The following CDC42SE2 variants were observed in gnomAD, a reference collection of about 807,000 sequenced individuals.
The protein encoded by CDC42SE2 is CDC42 small effector protein 2.
A neutral mutation model predicts 11.5 loss-of-function variants in CDC42SE2; 3 were observed. The ratio of observed to expected loss-of-function variants is 0.26; its 90% CI spans 0.12 to 0.67. CDC42SE2 has a LOEUF of 0.67. Ranked by LOEUF, CDC42SE2 falls within the 30% of genes least tolerant of loss-of-function variation. CDC42SE2 has a pLI of 0.80. For missense variants in CDC42SE2, 82 were observed against 106.8 expected, an observed-to-expected ratio of 0.77 and a Z score of 1.02; for synonymous variants, 33 against 34.8, an observed-to-expected ratio of 0.95 and a Z score of 0.18.
intron 1 of CDC42SE2, among the ~76,000 whole-genome samples, chr5:131,273,531 G>A (rs1161999003): frequency 6.6e-6 from 1 of 150,618 alleles, no homozygotes; most frequent in African/African-American, 2.4e-5. Context: ...AGCACTTTGG[G>A]AGGCTGAGGC....
At chr5:131,274,101 T>C (rs1757052225) in intron 1 of CDC42SE2, among the ~76,000 whole-genome samples, 2 of 152,188 alleles carry the variant, frequency 1.3e-5, no homozygotes, top group Admixed American at 6.5e-5. Flanking sequence ...AAAAATGTTA[T>C]CTTTAGTCTG....
chr5:131,351,461 A>G (rs372511368), intron 2 of CDC42SE2, among the ~76,000 whole-genome samples: 2 of 152,118 alleles, frequency 1.3e-5, no homozygotes, highest in Non-Finnish European at 1.5e-5. Context: ...TCACCATGTT[A>G]GCCAGGATGG....
At chr5:131,210,679 G>GT in the CDC42SE2 span, among the ~76,000 whole-genome samples, 1 of 152,100 alleles carries the variant, frequency 6.6e-6, no homozygotes, top group Non-Finnish European at 1.5e-5. Flanking sequence ...ATGATTGCTT[G>GT]TAAGATTTTT....
At chr5:131,376,170 C>T (rs926390593) in intron 3 of CDC42SE2, among the ~76,000 whole-genome samples, 11 of 151,670 alleles carry the variant, frequency 7.3e-5, no homozygotes, top group African/African-American at 1.9e-4. Flanking sequence ...ACCCAGGAGG[C>T]GGAGGTTGCA....
At chr5:131,256,347 A>G (rs1047045236) in intron 2 of CDC42SE2, among the ~76,000 whole-genome samples, 18 of 152,216 alleles carry the variant, frequency 1.2e-4, no homozygotes, top group African/African-American at 4.3e-4. Flanking sequence ...GGAAACTCAG[A>G]TACACTCTTG....
chr5:131,213,175 A>G, the CDC42SE2 span, among the ~76,000 whole-genome samples: 7 of 152,318 alleles, frequency 4.6e-5, no homozygotes, highest in East Asian at 9.6e-4. Flanking sequence ...CCTGGGCAAC[A>G]AGAGCGAAAC....
chr5:131,352,040 A>G (rs1185416056), intron 2 of CDC42SE2, among the ~76,000 whole-genome samples: 4 of 152,216 alleles, frequency 2.6e-5, no homozygotes, highest in African/African-American at 9.6e-5. Context: ...ACATGAAAAG[A>G]CTTAATATCA....
chr5:131,297,391 C>A (rs537785302), intron 1 of CDC42SE2, among the ~76,000 whole-genome samples: 1 of 152,084 alleles, frequency 6.6e-6, no homozygotes, highest in East Asian at 1.9e-4. Context: ...CATGAGAAAA[C>A]AAATATTTGT....
At chr5:131,216,486 A>G in the CDC42SE2 span, among the ~76,000 whole-genome samples, 10 of 145,190 alleles carry the variant, frequency 6.9e-5, no homozygotes, top group African/African-American at 2.8e-4. Context: ...TGGACAACAG[A>G]ATGAGAACCT....
chr5:131,346,920 AT>A (rs1758860920), intron 2 of CDC42SE2, among the ~76,000 whole-genome samples: 1 of 152,246 alleles, frequency 6.6e-6, no homozygotes, highest in Non-Finnish European at 1.5e-5. Flanking sequence ...AAATAATGAA[AT>A]GAAGGCAGAA....
At chr5:131,385,730 C>G (rs1356375257) in intron 4 of CDC42SE2, 86 bp downstream of exon 4, 2 of 729,268 alleles carry the variant, frequency 2.7e-6, no homozygotes, top group African/African-American at 3.5e-5. Flanking sequence ...TTTTTAATAG[C>G]ATTATGCTAA....
At chr5:131,325,194 T>G (rs1758270724) in intron 2 of CDC42SE2, among the ~76,000 whole-genome samples, 1 of 152,172 alleles carries the variant, frequency 6.6e-6, no homozygotes, top group African/African-American at 2.4e-5. Context: ...CAGGATTACT[T>G]TTGGATTTCC....
At chr5:131,279,870 C>T (rs755903063) in intron 1 of CDC42SE2, among the ~76,000 whole-genome samples, 2 of 152,060 alleles carry the variant, frequency 1.3e-5, no homozygotes, top group Non-Finnish European at 2.9e-5. Flanking sequence ...TACAGGAGTT[C>T]GAGATCAGCC....
chr5:131,234,386 C>T, the CDC42SE2 span, among the ~76,000 whole-genome samples: 3 of 152,018 alleles, frequency 2.0e-5, no homozygotes, highest in Admixed American at 2.0e-4. Flanking sequence ...TCCTGTAATC[C>T]CAGCACTTTG....
chr5:131,254,235 CAT>C (rs1367312507), intron 1 of CDC42SE2, among the ~76,000 whole-genome samples: 4 of 152,056 alleles, frequency 2.6e-5, no homozygotes, highest in African/African-American at 4.8e-5. Context: ...GATTTTTTCA[CAT>C]GTGTATAGAA....
intron 2 of CDC42SE2, among the ~76,000 whole-genome samples, chr5:131,351,620 G>T (rs1407982360): frequency 6.6e-6 from 1 of 152,170 alleles, no homozygotes; most frequent in Non-Finnish European, 1.5e-5. Context: ...CAGCAAATGA[G>T]CTAGAACAAC....
At chr5:131,258,607 T>G (rs975146349) in intron 2 of CDC42SE2, among the ~76,000 whole-genome samples, 21 of 152,034 alleles carry the variant, frequency 1.4e-4, no homozygotes, top group African/African-American at 4.8e-4. Context: ...CTAATTTACC[T>G]CTCTCCATCC....
intron 2 of CDC42SE2, among the ~76,000 whole-genome samples, chr5:131,339,030 G>GAGGTCAGAAGATCGAGACCATA: frequency 6.6e-6 from 1 of 151,968 alleles, no homozygotes; most frequent in Non-Finnish European, 1.5e-5. Flanking sequence ...GGTGGATCAT[G>GAGGTCAGAAGATCGAGACCATA]AGGTCAGAAG....
intron 2 of CDC42SE2, among the ~76,000 whole-genome samples, chr5:131,329,975 G>A (rs1758386427): frequency 6.9e-6 from 1 of 144,812 alleles, no homozygotes; most frequent in South Asian, 2.2e-4. Context: ...TCAAAATTCA[G>A]TGGCTTAACC....
Sources: allele counts gnomAD v4.1 joint callset (sites outside exome capture counted in the v4.1 genomes callset), GRCh38; gene constraint gnomAD v4.1.1; transcripts MANE v1.5; gene names NCBI Gene and HGNC (gene_info 2026-07-23, HGNC 2026-07-21).